Variants in RELN observed in about 807,000 individuals in gnomAD.
RELN encodes the protein reelin.
RELN carries 108 observed loss-of-function variants against 427.6 expected under a neutral mutation model. The observed-to-expected ratio is 0.25, with a 90% CI of 0.22 to 0.30. The LOEUF (loss-of-function observed/expected upper bound fraction) is 0.30. RELN is among the 10% of genes least tolerant of loss of function. The pLI is 1.00. For synonymous variants in RELN, 1,524 were observed against 1,513.4 expected (o/e 1.01, Z -0.16); for missense variants, 3,715 against 4,302.8 (o/e 0.86, Z 3.82).
chr7:103,535,176 C>T (rs1830021090), intron 46 of RELN, 140 bp downstream of exon 46: 1 of 806,166 alleles, frequency 1.2e-6, no homozygotes, highest in African/African-American at 1.7e-5. Flanking sequence ...TTAAGACAGC[C>T]TTAATAATTC....
intron 8 of RELN, among the ~76,000 whole-genome samples, chr7:103,709,476 T>G (rs916397475): frequency 6.6e-6 from 1 of 152,234 alleles, no homozygotes; most frequent in Non-Finnish European, 1.5e-5. Context: ...ACTAAATTCC[T>G]GCTTAACTCA....
At chr7:103,608,586 T>C (rs1034342350) in intron 22 of RELN, among the ~76,000 whole-genome samples, 3 of 152,176 alleles carry the variant, frequency 2.0e-5, no homozygotes, top group Non-Finnish European at 4.4e-5. Context: ...CTTTAGCACA[T>C]TGAGGCTCAT....
At chr7:103,655,549 A>T (rs893260657) in intron 12 of RELN, among the ~76,000 whole-genome samples, 2 of 152,102 alleles carry the variant, frequency 1.3e-5, no homozygotes, top group Non-Finnish European at 2.9e-5. Context: ...GAAAGTGTCA[A>T]TTGTTTGTAA....
At chr7:103,532,847 T>G (rs923183859) in intron 46 of RELN, among the ~76,000 whole-genome samples, 1 of 152,206 alleles carries the variant, frequency 6.6e-6, no homozygotes, top group Non-Finnish European at 1.5e-5. Flanking sequence ...TAGAGCATCA[T>G]GTACCTGTTC....
Position 103,953,026 on chromosome 7 carries a change from C to A in RELN, c.227-35841G>T, listed in dbSNP as rs1796364213. On this transcript the variant is annotated intron_variant, in intron 1 of 64. Coordinates refer to ENST00000428762, the MANE Select transcript of RELN (RefSeq NM_005045.4). The surrounding 1 kb of genome is among the most constrained non-coding windows in gnomAD (Gnocchi z 4.3). ...AATCTCATAGCCACTACTGCATTCACCTCCCAATGTGCCTTATGATGGTGA... is the reference window on the plus strand; with the variant it reads ...AATCTCATAGCCACTACTGCATTCAACTCCCAATGTGCCTTATGATGGTGA... Among the ~76,000 whole-genome samples the A allele has an allele frequency of 1.3e-5, 2 of 152,138 alleles. No homozygotes were observed. The highest frequency in any genetic ancestry group is 2.9e-5 in the Non-Finnish European group (2 of 68,040).
At chr7:103,726,943 TTC>T (rs1790227299) in intron 7 of RELN, among the ~76,000 whole-genome samples, 1 of 152,164 alleles carries the variant, frequency 6.6e-6, no homozygotes, top group South Asian at 2.1e-4. Context: ...ATCCAATTAA[TTC>T]TGTTTGTGTT....
chr7:103,897,834 T>C (rs565039468), intron 2 of RELN, among the ~76,000 whole-genome samples: 1 of 152,116 alleles, frequency 6.6e-6, no homozygotes, highest in East Asian at 1.9e-4. Flanking sequence ...AAAGAACAAT[T>C]CTCAGATGAC....
intron 46 of RELN, among the ~76,000 whole-genome samples, chr7:103,524,086 T>TA (rs1276849569): frequency 2.6e-5 from 4 of 152,210 alleles, no homozygotes; most frequent in Admixed American, 2.6e-4. Context: ...CTGAGCCTTG[T>TA]AAAAAACAGA....
chr7:103,972,853 T>C (rs978020738), intron 1 of RELN, among the ~76,000 whole-genome samples: 2 of 151,422 alleles, frequency 1.3e-5, no homozygotes, highest in South Asian at 2.1e-4. Context: ...CATAAAGAGA[T>C]AGATGCTTCA....
At position 103,653,572 on chromosome 7, in the gene RELN, C is replaced by T. The variant is rs140715295; in HGVS notation, c.1554+521G>A. The stretch of plus-strand genomic sequence containing the variant: ...CAAAAAATAATTTTACACTTTATGA[C>T]GAGTATCTCACATAATTTTGAAGAT... On this transcript the variant is annotated intron_variant, in intron 13 of 64. Transcript: ENST00000428762. 1.4e-4 allele frequency among the ~76,000 whole-genome samples: 22 copies of T among 152,126 alleles called. No individual in the cohort carries two copies. The South Asian group carries it at 1.5e-3, about 10-fold the overall frequency.
At chr7:103,546,886 A>G (rs1012494748) in intron 41 of RELN, among the ~76,000 whole-genome samples, 2 of 152,202 alleles carry the variant, frequency 1.3e-5, no homozygotes, top group Non-Finnish European at 2.9e-5. Flanking sequence ...AATCTGATGT[A>G]TTTTTAGATT....
intron 46 of RELN, among the ~76,000 whole-genome samples, chr7:103,524,679 C>T (rs1221957904): frequency 6.6e-6 from 1 of 152,140 alleles, no homozygotes; most frequent in African/African-American, 2.4e-5. Context: ...GACAAAAGAC[C>T]AAACAACAGG....
Position 103,566,433 on chromosome 7 carries a change from G to A in RELN, c.4748-21C>T, listed in dbSNP as rs776817656. 5.6e-6 allele frequency: 9 copies of A among 1,612,620 alleles called. 1 individual carries two copies. The South Asian group carries it at 8.8e-5, about 16-fold the overall frequency. On this transcript the variant is annotated intron_variant, in intron 32 of 64. Transcript: ENST00000428762. ...CTTCCCTGCAATCAGATGAATAAAG[G>A]TGGTTAGAGAAGTTTTGTTACATAG...
At chr7:103,553,905 A>C in intron 38 of RELN, 74 bp from the exon 39 acceptor site, 10 of 1,314,364 alleles carry the variant, frequency 7.6e-6, no homozygotes, top group Non-Finnish European at 1.1e-5. Context: ...ATTGAAAGAA[A>C]GCAAAGGACA....
intron 2 of RELN, among the ~76,000 whole-genome samples, chr7:103,839,616 C>T (rs900133196): frequency 1.3e-5 from 2 of 151,980 alleles, no homozygotes; most frequent in East Asian, 1.9e-4. Context: ...GAAGTAAGTG[C>T]TACTTGGGTG....
rs1832322977 is a variant in RELN, at chr7:103,626,074, G to A, written c.2702+3866C>T. ...ATTCTGGGTGGAGCTAGAAGTCAGG[G>A]ATGTTTGTCATACATTACTAACAAA... On this transcript the variant is annotated intron_variant, in intron 20 of 64. Transcript: ENST00000428762. The surrounding 1 kb of genome is among the most constrained non-coding windows in gnomAD (Gnocchi z 4.4). Among the ~76,000 whole-genome samples, 1 of 152,040 alleles carries A rather than the reference G, an allele frequency of 6.6e-6. No individual in the cohort carries two copies.
intron 4 of RELN, among the ~76,000 whole-genome samples, chr7:103,772,402 T>A (rs1257334602): frequency 6.6e-5 from 10 of 152,220 alleles, no homozygotes; most frequent in Admixed American, 3.3e-4. Flanking sequence ...AAAGTGTAGA[T>A]AATAATGGTT....
chr7:103,669,831 TTTA>T lies in RELN; in HGVS notation c.1290-8307_1290-8305del, dbSNP rs1463675085. 2.0e-5 allele frequency among the ~76,000 whole-genome samples: 3 copies of T among 152,244 alleles called. No individual in the cohort carries two copies. In the East Asian group the frequency reaches 5.8e-4, roughly 29 times the overall value. ...GCTCTCTACAATGCAGCAATTTATA[TTTA>T]TTCTTTTATGATTAATTCTAAAATT... is the stretch of plus-strand genomic sequence containing the variant. On this transcript the variant is annotated intron_variant, in intron 11 of 64. Transcript: ENST00000428762.
At chr7:103,724,369 GCT>G (rs1790152361) in intron 7 of RELN, among the ~76,000 whole-genome samples, 1 of 152,152 alleles carries the variant, frequency 6.6e-6, no homozygotes, top group South Asian at 2.1e-4. Context: ...CAAGCCTCTT[GCT>G]CTGTCGGAAT....
Sources: gnomAD v4.1 joint callset for allele counts (sites outside exome capture counted in the v4.1 genomes callset) on GRCh38, gnomAD v4.1.1 for gene constraint, Gnocchi (gnomAD v3.1) non-coding constraint, MANE v1.5 for transcripts, NCBI Gene and HGNC (gene_info 2026-07-23, HGNC 2026-07-21) for gene names.